Variants in ARHGEF28 observed in about 807,000 individuals in gnomAD.
ARHGEF28 encodes 190 kDa guanine nucleotide exchange factor.
In ARHGEF28, 152 loss-of-function variants were observed where a neutral mutation model predicts 206.6. The ratio of observed to expected loss-of-function variants is 0.74; its 90% CI spans 0.64 to 0.84. The LOEUF (loss-of-function observed/expected upper bound fraction) is 0.84, where lower values mean the gene tolerates loss of function less well. ARHGEF28 is among the 40% of genes least tolerant of loss of function. The probability of loss-of-function intolerance (pLI) is 0.00; values close to 1 mark genes in which losing one functional copy is unlikely to be tolerated. For synonymous variants in ARHGEF28, 763 were observed against 776.4 expected (o/e 0.98, Z 0.29); for missense variants, 2,028 against 2,073.2 (o/e 0.98, Z 0.42).
chr5:73,870,225 A>C lies in ARHGEF28; in HGVS notation c.2566+16A>C. On this transcript the variant is annotated intron_variant, in intron 21 of 35. Coordinates refer to ENST00000513042, the MANE Select transcript of ARHGEF28 (RefSeq NM_001177693.2). ...GTCATTTTTGGTAAGCGTTTCAAAT[A>C]TGCTCTTTGGGTTGAAGCAGTGCGG... 2 of 1,610,566 alleles carry C rather than the reference A, an allele frequency of 1.2e-6. No individual in the cohort carries two copies. The highest frequency in any genetic ancestry group is 4.5e-5 in the East Asian group (2 of 44,832).
rs1224800518 is a variant in ARHGEF28 at position 73,909,622 on chromosome 5, T to G, written c.4372T>G (p.Cys1458Gly). ...GGAGCAGCGGCGCTGGCTGCGCAGG[T>G]GTGAGCAGCAGCAGCGGGCGCAGGC... is the stretch of plus-strand genomic sequence containing the variant. Reference protein sequence around the residue: ...QQEQRRWLRRCEQQQRAQATR... With the variant: ...QQEQRRWLRRGEQQQRAQATR... Residue 1458 changes from cysteine (C) to glycine (G), a missense_variant, in exon 34 of 36, where the codon TGT becomes GGT. Cys to Gly is a radical substitution (Grantham distance 159, BLOSUM62 -3). This residue lies in a region of ARHGEF28 where 803 missense variants were observed against 768.0 expected (regional missense o/e 1.05). Coordinates refer to ENST00000513042, the MANE Select transcript of ARHGEF28 (RefSeq NM_001177693.2). 1.3e-6 allele frequency: 2 copies of G among 1,551,506 alleles called. No individual in the cohort carries two copies.
intron 2 of ARHGEF28, among the ~76,000 whole-genome samples, chr5:73,733,923 C>T (rs917988502): frequency 6.6e-6 from 1 of 152,084 alleles, no homozygotes; most frequent in South Asian, 2.1e-4. Context: ...GAAGGGGGAG[C>T]ACACAGTCAC....
intron 2 of ARHGEF28, among the ~76,000 whole-genome samples, chr5:73,705,789 A>G (rs2112296883): frequency 6.6e-6 from 1 of 152,252 alleles, no homozygotes; most frequent in African/African-American, 2.4e-5. Flanking sequence ...AGGTGTTTGA[A>G]GGATATGTTT....
chr5:73,908,279 C>CT (rs1256784068), intron 33 of ARHGEF28: 1 of 152,078 alleles, frequency 6.6e-6, no homozygotes, highest in African/African-American at 2.4e-5. Flanking sequence ...TACCTTAGTT[C>CT]TTTAACTTTC....
chr5:73,653,010 CT>C (rs1202459516), intron 1 of ARHGEF28, among the ~76,000 whole-genome samples: 1 of 152,216 alleles, frequency 6.6e-6, no homozygotes. Context: ...GTATCAGGTA[CT>C]TTACATACAT....
intron 22 of ARHGEF28, among the ~76,000 whole-genome samples, chr5:73,879,212 C>T (rs1403374587): frequency 2.6e-5 from 4 of 152,224 alleles, no homozygotes; most frequent in Non-Finnish European, 4.4e-5. Context: ...TCCAGCTGAT[C>T]GCATCGGCTC....
intron 2 of ARHGEF28, among the ~76,000 whole-genome samples, chr5:73,731,880 A>C (rs1382388537): frequency 6.6e-6 from 1 of 152,142 alleles, no homozygotes; most frequent in Non-Finnish European, 1.5e-5. Flanking sequence ...ATTAAGGGAC[A>C]CTTGTAGAAG....
rs35722039 is a variant in ARHGEF28, at chr5:73,804,082, CAAA to C, written c.1024+8714_1024+8716del. ...CCTGGATGACAGAGTGAGACCCTGT[CAAA>C]AAAAAAAAAAAAAAAAAAAAAAGAA... On this transcript the variant is annotated intron_variant, in intron 9 of 35. Transcript: ENST00000513042. 2.2e-4 allele frequency among the ~76,000 whole-genome samples: 14 copies of C among 64,306 alleles called. No individual in the cohort carries two copies. The East Asian group carries it at 5.1e-3, about 23-fold the overall frequency. 42.2% of individuals were successfully genotyped at this position (64,306 alleles called of 152,430 possible). A position where few individuals can be genotyped will look rare whatever the true frequency, so the allele number is the denominator to read the frequency against.
intron 1 of ARHGEF28, among the ~76,000 whole-genome samples, chr5:73,653,802 G>C (rs903755977): frequency 1.3e-5 from 2 of 152,162 alleles, no homozygotes; most frequent in African/African-American, 4.8e-5. Context: ...CTTGGACCAG[G>C]TTTGGCATTC....
chr5:73,798,226 A>G (rs888257331), intron 9 of ARHGEF28, among the ~76,000 whole-genome samples: 5 of 152,196 alleles, frequency 3.3e-5, no homozygotes, highest in African/African-American at 7.2e-5. Context: ...TTGAGTTTAC[A>G]AACAATCCAG....
At chr5:73,914,594 G>A (rs1561191499) in intron 35 of ARHGEF28, among the ~76,000 whole-genome samples, 2 of 151,612 alleles carry the variant, frequency 1.3e-5, no homozygotes, top group South Asian at 2.1e-4. Flanking sequence ...ACGGAGTTTC[G>A]CCAAGTTGTC....
chr5:73,773,825 C>T, intron 4 of ARHGEF28, 30 bp from the exon 5 acceptor site: 1 of 1,537,274 alleles, frequency 6.5e-7, no homozygotes, highest in Non-Finnish European at 8.8e-7. Context: ...AATGGAGGAA[C>T]TAATATGGTA....
chr5:73,688,158 A>G (rs2112257125), intron 2 of ARHGEF28, among the ~76,000 whole-genome samples: 1 of 152,318 alleles, frequency 6.6e-6, no homozygotes, highest in South Asian at 2.1e-4. Context: ...TGCACTAGAA[A>G]ATCTAATTAC....
rs191563093 is a variant in ARHGEF28 at position 73,753,042 on chromosome 5, G to A, written c.315G>A (p.Thr105=). 5.1e-5 allele frequency: 82 copies of A among 1,609,746 alleles called. No homozygotes were observed. The highest frequency in any genetic ancestry group is 4.9e-4 in the Middle Eastern group (3 of 6,070). Residue 105 remains threonine (T), a synonymous_variant, in exon 4 of 36, where the codon ACG becomes ACA. Transcript: ENST00000513042. ...MACRLARLLV[T]QANRLTACSH... is the part of the protein sequence containing the mutation. ...GCAGGCTGGCTCGTCTGCTGGTGAC[G>A]CAGGCCAATCGCCTCACAGCCTGCA...
intron 2 of ARHGEF28, among the ~76,000 whole-genome samples, chr5:73,738,949 G>A (rs1751190828): frequency 6.6e-6 from 1 of 152,104 alleles, no homozygotes; most frequent in African/African-American, 2.4e-5. Flanking sequence ...CTTTACAGTG[G>A]TGCACATGTA....
At chr5:73,737,871 G>A (rs1484119219) in intron 2 of ARHGEF28, among the ~76,000 whole-genome samples, 1 of 152,114 alleles carries the variant, frequency 6.6e-6, no homozygotes. Flanking sequence ...GGGGCTGACT[G>A]ACTGCTACCT....
chr5:73,858,590 C>T (rs1479854573), intron 16 of ARHGEF28, among the ~76,000 whole-genome samples: 1 of 152,196 alleles, frequency 6.6e-6, no homozygotes, highest in Non-Finnish European at 1.5e-5. Flanking sequence ...CATTTTCTCA[C>T]ATCCCACATC....
At chr5:73,858,361 T>C (rs1485191402) in intron 16 of ARHGEF28, 142 bp downstream of exon 16, 2 of 1,122,164 alleles carry the variant, frequency 1.8e-6, no homozygotes, top group East Asian at 2.6e-5. Context: ...CAAGGACTGA[T>C]ACTGGTTAGA....
chr5:73,662,671 G>A (rs1027501250), intron 1 of ARHGEF28, among the ~76,000 whole-genome samples: 1 of 152,128 alleles, frequency 6.6e-6, no homozygotes, highest in African/African-American at 2.4e-5. Context: ...TTAATATAAA[G>A]TATGAGTTAT....
Sources: gnomAD v4.1 joint callset for allele counts (sites outside exome capture counted in the v4.1 genomes callset) on GRCh38, gnomAD v4.1.1 for gene constraint, gnomAD v4.1.1 regional missense constraint, MANE v1.5 for transcripts, NCBI Gene and HGNC (gene_info 2026-07-23, HGNC 2026-07-21) for gene names.